The following EPB41L1 variants were observed in gnomAD, a reference collection of about 807,000 sequenced individuals.
The protein encoded by EPB41L1 is erythrocyte membrane protein band 4.1 like 1.
In EPB41L1, 29 loss-of-function variants were observed where a neutral mutation model predicts 97.8. The ratio of observed to expected loss-of-function variants is 0.30; its 90% CI spans 0.22 to 0.40. The LOEUF (loss-of-function observed/expected upper bound fraction) is 0.40, where lower values mean the gene tolerates loss of function less well. Ranked by LOEUF, EPB41L1 falls within the 10% of genes least tolerant of loss-of-function variation. The pLI, the probability that EPB41L1 is intolerant of heterozygous loss-of-function variation, is 1.00. For missense variants in EPB41L1, 812 were observed against 1,162.3 expected (o/e 0.70, Z 4.38); for synonymous variants, 383 against 459.2 (o/e 0.83, Z 2.12).
At chr20:36,128,852 C>G (rs1003551605) in intron 2 of EPB41L1, among the ~76,000 whole-genome samples, 33 of 152,230 alleles carry the variant, frequency 2.2e-4, no homozygotes, top group African/African-American at 7.2e-4. Context: ...TGGCCACTGT[C>G]TGTCACAGGT....
chr20:36,123,162 G>A (rs1280347444), intron 2 of EPB41L1, among the ~76,000 whole-genome samples: 3 of 151,912 alleles, frequency 2.0e-5, no homozygotes, highest in Admixed American at 6.6e-5. Flanking sequence ...CTTTCTGAAC[G>A]TCTCCATGAT....
intron 1 of EPB41L1, among the ~76,000 whole-genome samples, chr20:36,104,790 A>T (rs1238106344): frequency 6.6e-6 from 1 of 152,172 alleles, no homozygotes; most frequent in Non-Finnish European, 1.5e-5. Flanking sequence ...ATGCCACGCT[A>T]TGCAGGTGGG....
intron 2 of EPB41L1, among the ~76,000 whole-genome samples, chr20:36,123,180 G>T (rs563401031): frequency 6.6e-6 from 1 of 152,016 alleles, no homozygotes; most frequent in Non-Finnish European, 1.5e-5. Context: ...GATCGGGGGG[G>T]AGGGGCAGAG....
Position 36,207,473 on chromosome 20 carries a change from A to G in EPB41L1, c.1669-2015A>G. The stretch of plus-strand genomic sequence containing the variant: ...AACAAAATTCGGATATTTGAGACCC[A>G]CGGAGCTGAAACTCGCCGAATGAGT... On this transcript the variant is annotated intron_variant, in intron 14 of 21. Transcript: ENST00000338074. The surrounding 1 kb of genome is among the most constrained non-coding windows in gnomAD (Gnocchi z 4.9). 1 of 1,289,846 alleles carries G rather than the reference A, an allele frequency of 7.8e-7. No homozygotes were observed. Among genetic ancestry groups the G allele is most frequent in the Non-Finnish European group, 1.0e-6 (1 of 988,872 alleles). 79.9% of individuals were successfully genotyped at this position (1,289,846 alleles called of 1,614,324 possible).
intron 12 of EPB41L1, among the ~76,000 whole-genome samples, chr20:36,194,911 G>A (rs2062121062): frequency 6.6e-6 from 1 of 152,160 alleles, no homozygotes; most frequent in Admixed American, 6.5e-5. Context: ...ACACAGATGT[G>A]CAAACAACAT....
chr20:36,096,089 C>T (rs2073312961), intron 1 of EPB41L1, among the ~76,000 whole-genome samples: 1 of 151,864 alleles, frequency 6.6e-6, no homozygotes, highest in African/African-American at 2.4e-5. Context: ...GAATTGATAA[C>T]TCTGGAGGTG....
At chr20:36,163,694 A>G (rs1477095826) in intron 1 of EPB41L1, among the ~76,000 whole-genome samples, 1 of 152,154 alleles carries the variant, frequency 6.6e-6, no homozygotes, top group Non-Finnish European at 1.5e-5. Flanking sequence ...CTCGGCCTGA[A>G]TGAGCAGGAG....
chr20:36,221,073 C>T (rs1471779676), intron 19 of EPB41L1, among the ~76,000 whole-genome samples: 2 of 152,226 alleles, frequency 1.3e-5, no homozygotes, highest in African/African-American at 4.8e-5. Flanking sequence ...ACATCCCACG[C>T]CCACAGCAGA....
intron 1 of EPB41L1, among the ~76,000 whole-genome samples, chr20:36,096,865 C>T (rs1381934495): frequency 6.6e-6 from 1 of 152,246 alleles, no homozygotes; most frequent in Non-Finnish European, 1.5e-5. Context: ...TGGCAGATGG[C>T]ACTAAATGAT....
rs1260604078 is a variant in EPB41L1, at chr20:36,198,010, C to T, written c.1637C>T (p.Ser546Phe). 6.2e-7 allele frequency: 1 copy of T among 1,613,094 alleles called. No homozygotes were observed. The highest frequency in any genetic ancestry group is 1.3e-5 in the African/African-American group (1 of 74,874). Residue 546 changes from serine to phenylalanine, a missense_variant, in exon 14 of 22, where the codon TCC becomes TTC. Ser to Phe is a radical substitution (Grantham distance 155). Coordinates refer to ENST00000338074, the MANE Select transcript of EPB41L1 (RefSeq NM_012156.2). ...CTGCCCTCCTCCCCCGCCTCCCCCT[C>T]CCCCAAGGGCACCCCTGAGAAAGCC... ...RRLPSSPASP[S>F]PKGTPEKANE... is the part of the protein sequence containing the mutation.
At position 36,190,260 on chromosome 20, in the gene EPB41L1, C is replaced by A; in HGVS notation, c.1027-17C>A. 1 of 1,609,630 alleles carries A rather than the reference C, an allele frequency of 6.2e-7. No individual in the cohort carries two copies. Among genetic ancestry groups the A allele is most frequent in the Non-Finnish European group, 8.5e-7 (1 of 1,176,084 alleles). ...GAGCTCAGGCCCTGCCTCTAACCTG[C>A]CCTTTTGGTTTTCCAGTATGAGCAA... On this transcript the variant is annotated splice_polypyrimidine_tract_variant and intron_variant, in intron 9 of 21. Transcript: ENST00000338074. The surrounding 1 kb of genome is among the most constrained non-coding windows in gnomAD (Gnocchi z 5.8).
At chr20:36,216,101 A>C (rs920816451) in intron 17 of EPB41L1, among the ~76,000 whole-genome samples, 3 of 152,198 alleles carry the variant, frequency 2.0e-5, no homozygotes, top group Non-Finnish European at 4.4e-5. Flanking sequence ...TGAAGATGTG[A>C]GCTGCAGTTA....
intron 2 of EPB41L1, among the ~76,000 whole-genome samples, chr20:36,127,600 A>C (rs935205973): frequency 1.3e-5 from 2 of 152,124 alleles, no homozygotes; most frequent in Non-Finnish European, 2.9e-5. Flanking sequence ...GAATCAGGAA[A>C]ACTGTATACC....
chr20:36,158,762 G>A (rs922222167), intron 1 of EPB41L1, among the ~76,000 whole-genome samples: 27 of 152,196 alleles, frequency 1.8e-4, no homozygotes, highest in African/African-American at 4.8e-4. Context: ...CAGGGACCAT[G>A]TTGTGGTTGT....
chr20:36,098,890 G>A (rs1192201104), intron 1 of EPB41L1, among the ~76,000 whole-genome samples: 1 of 152,174 alleles, frequency 6.6e-6, no homozygotes, highest in East Asian at 1.9e-4. Flanking sequence ...GGAGGCCGAG[G>A]TGGGCAGATC....
intron 2 of EPB41L1, among the ~76,000 whole-genome samples, chr20:36,124,994 T>C (rs1600430310): frequency 6.6e-6 from 1 of 152,214 alleles, no homozygotes; most frequent in East Asian, 1.9e-4. Flanking sequence ...TGGGGGTCCC[T>C]GATGCTCAGC....
intron 21 of EPB41L1, among the ~76,000 whole-genome samples, chr20:36,224,520 C>T (rs2063990546): frequency 6.6e-6 from 1 of 152,064 alleles, no homozygotes; most frequent in African/African-American, 2.4e-5. Flanking sequence ...TTGGTGGGTG[C>T]CTGTAGTCCC....
chr20:36,177,561 C>T (rs1305800510), intron 3 of EPB41L1, among the ~76,000 whole-genome samples: 3 of 152,182 alleles, frequency 2.0e-5, no homozygotes, highest in African/African-American at 2.4e-5. Context: ...ATTCCAGGGG[C>T]GGCTTCTCTT....
At chr20:36,204,876 C>T (rs2062712860) in intron 14 of EPB41L1, among the ~76,000 whole-genome samples, 1 of 144,328 alleles carries the variant, frequency 6.9e-6, no homozygotes, top group South Asian at 2.2e-4. Context: ...CTCTTGACCT[C>T]ATGATCTGCC....
Sources: allele counts gnomAD v4.1 joint callset (sites outside exome capture counted in the v4.1 genomes callset), GRCh38; gene constraint gnomAD v4.1.1; non-coding constraint Gnocchi (gnomAD v3.1); transcripts MANE v1.5; gene names NCBI Gene and HGNC (gene_info 2026-07-23, HGNC 2026-07-21).